Variants in RHBDD1 observed in about 807,000 individuals in gnomAD.
The protein encoded by RHBDD1 is rhomboid domain containing 1, also known as rhomboid-related protein 4.
Under a neutral mutation model 36.3 loss-of-function variants are expected in RHBDD1, and 38 were observed. The observed-to-expected ratio is 1.05, with a 90% CI of 0.81 to 1.37. The LOEUF is 1.37. Among genes scored for constraint, RHBDD1 ranks in the 40% most tolerant of loss-of-function variants. The probability of loss-of-function intolerance (pLI) is 0.00; values close to 1 mark genes in which losing one functional copy is unlikely to be tolerated. For synonymous variants in RHBDD1, 151 were observed against 136.5 expected, an observed-to-expected ratio of 1.11 and a Z score of -0.74; for missense variants, 393 against 377.6, an observed-to-expected ratio of 1.04 and a Z score of -0.34.
intron 8 of RHBDD1, among the ~76,000 whole-genome samples, chr2:226,960,869 T>C (rs1443069666): frequency 6.6e-6 from 1 of 152,166 alleles, no homozygotes; most frequent in Non-Finnish European, 1.5e-5. Flanking sequence ...CCTTGTACAA[T>C]AAGCATACAA....
intron 8 of RHBDD1, among the ~76,000 whole-genome samples, chr2:226,957,672 C>T (rs1398949574): frequency 1.3e-5 from 2 of 152,080 alleles, no homozygotes. Flanking sequence ...TCTATCAAGT[C>T]TATATAAGGA....
intron 3 of RHBDD1, among the ~76,000 whole-genome samples, chr2:226,849,430 G>T (rs1451010655): frequency 6.6e-6 from 1 of 152,222 alleles, no homozygotes; most frequent in Non-Finnish European, 1.5e-5. Flanking sequence ...CAGGTTGGGA[G>T]CTGGCTTTGA....
intron 8 of RHBDD1, among the ~76,000 whole-genome samples, chr2:226,957,238 A>G (rs1179670234): frequency 2.6e-5 from 4 of 152,236 alleles, no homozygotes; most frequent in African/African-American, 9.6e-5. Flanking sequence ...AACATGCAGG[A>G]TCTGGTGTGG....
At chr2:226,842,278 A>C (rs1221664777) in intron 3 of RHBDD1, among the ~76,000 whole-genome samples, 1 of 152,074 alleles carries the variant, frequency 6.6e-6, no homozygotes, top group Admixed American at 6.5e-5. Flanking sequence ...TGCTGTGCAG[A>C]AGCTCTTTAG....
In RHBDD1 at chr2:226,998,509, T is replaced by C. The variant is rs368809695; in HGVS notation, c.*2987T>C. 7.2e-5 allele frequency: 11 copies of C among 152,280 alleles called. No homozygotes were observed. In the East Asian group the frequency reaches 1.5e-3, roughly 21 times the overall value. 9.4% of individuals were successfully genotyped at this position (152,280 alleles called of 1,614,324 possible). A position where few individuals can be genotyped will look rare whatever the true frequency, so the allele number is the denominator to read the frequency against. ...TCAGTAAAGAATAGCATTCAATTAGTCAAAAAATATATATATAACTTCTTC... is the reference window on the plus strand; with the variant it reads ...TCAGTAAAGAATAGCATTCAATTAGCCAAAAAATATATATATAACTTCTTC... On this transcript the variant is annotated 3_prime_UTR_variant, in exon 9 of 9. Transcript: ENST00000392062.
chr2:226,912,071 A>G (rs967068964), intron 7 of RHBDD1, among the ~76,000 whole-genome samples: 2 of 152,190 alleles, frequency 1.3e-5, no homozygotes, highest in Non-Finnish European at 2.9e-5. Context: ...ATCTGGCTAG[A>G]CATTTCTCTA....
chr2:226,823,977 C>T, the RHBDD1 span, among the ~76,000 whole-genome samples: 1 of 152,176 alleles, frequency 6.6e-6, no homozygotes, highest in African/African-American at 2.4e-5. Context: ...TAGGCCCCAC[C>T]TCCCAACGCT....
chr2:226,992,522 A>G (rs551196577), intron 8 of RHBDD1, among the ~76,000 whole-genome samples: 1 of 152,312 alleles, frequency 6.6e-6, no homozygotes, highest in South Asian at 2.1e-4. Flanking sequence ...TTGTATTGTT[A>G]TACCCAAGGT....
intron 5 of RHBDD1, among the ~76,000 whole-genome samples, chr2:226,894,219 C>G (rs1185464244): frequency 6.6e-6 from 1 of 152,162 alleles, no homozygotes; most frequent in Non-Finnish European, 1.5e-5. Flanking sequence ...CTAAGGGCTA[C>G]TTTATATGTC....
chr2:226,959,011 G>A (rs927453467), intron 8 of RHBDD1, among the ~76,000 whole-genome samples: 2 of 152,090 alleles, frequency 1.3e-5, no homozygotes, highest in Admixed American at 6.5e-5. Flanking sequence ...TGCCTTATCT[G>A]ACTGGTAATA....
the RHBDD1 span, among the ~76,000 whole-genome samples, chr2:226,800,627 G>C: frequency 1.2e-4 from 19 of 152,188 alleles, no homozygotes; most frequent in Non-Finnish European, 2.4e-4. Context: ...ATGGGGGAGG[G>C]GAAATGAGAG....
intron 8 of RHBDD1, chr2:226,988,230 C>A: frequency 9.6e-7 from 1 of 1,046,480 alleles, no homozygotes; most frequent in Non-Finnish European, 1.3e-6. Context: ...GATCAAGAAG[C>A]AAGAGGTTGG....
At chr2:226,919,135 G>C (rs1949124111) in intron 8 of RHBDD1, among the ~76,000 whole-genome samples, 1 of 151,952 alleles carries the variant, frequency 6.6e-6, no homozygotes, top group South Asian at 2.1e-4. Context: ...TGTCTATTCA[G>C]ATCTTTTGCA....
intron 8 of RHBDD1, among the ~76,000 whole-genome samples, chr2:226,966,097 G>A (rs530162451): frequency 3.3e-4 from 50 of 152,092 alleles, no homozygotes; most frequent in African/African-American, 1.1e-3. Context: ...AATGTGACTC[G>A]CCACATAAAA....
At chr2:226,964,126 A>G (rs891304705) in intron 8 of RHBDD1, among the ~76,000 whole-genome samples, 7 of 152,174 alleles carry the variant, frequency 4.6e-5, no homozygotes, top group Admixed American at 3.9e-4. Context: ...AGAGAGGAAG[A>G]GAGCAAGTGA....
At chr2:226,873,935 G>T (rs1945005369) in intron 5 of RHBDD1, among the ~76,000 whole-genome samples, 1 of 152,186 alleles carries the variant, frequency 6.6e-6, no homozygotes, top group Admixed American at 6.5e-5. Context: ...TTGACTCACA[G>T]TTCCCCATGG....
rs151008266 is a variant in RHBDD1 at position 226,998,319 on chromosome 2, A to G, written c.*2797A>G. The G allele has an allele frequency of 2.0e-5, 3 of 152,214 alleles. No homozygotes were observed. Among genetic ancestry groups the G allele is most frequent in the East Asian group, 3.9e-4 (2 of 5,170 alleles). The allele number at this position is 152,214 out of a possible 1,614,324, so 9.4% of individuals were successfully genotyped here. A position where few individuals can be genotyped will look rare whatever the true frequency, so the allele number is the denominator to read the frequency against. On this transcript the variant is annotated 3_prime_UTR_variant, in exon 9 of 9. Coordinates refer to ENST00000392062, the MANE Select transcript of RHBDD1 (RefSeq NM_001167608.3). ...GAGTAGAACTAGATCCTGTCTATCT[A>G]TTTGGCACATGTTCTGCTGCCTGGG... is the stretch of plus-strand genomic sequence containing the variant.
At chr2:226,993,047 T>A (rs59135978) in intron 8 of RHBDD1, among the ~76,000 whole-genome samples, 1 of 151,980 alleles carries the variant, frequency 6.6e-6, no homozygotes, top group Non-Finnish European at 1.5e-5. Flanking sequence ...TTTGGTTGGC[T>A]CAGCCCTGGT....
intron 8 of RHBDD1, among the ~76,000 whole-genome samples, chr2:226,968,034 G>C (rs1952781943): frequency 1.3e-5 from 2 of 152,118 alleles, no homozygotes; most frequent in South Asian, 4.1e-4. Flanking sequence ...TCATAGGAGG[G>C]TGAAACACCC....
Sources: allele counts gnomAD v4.1 joint callset (sites outside exome capture counted in the v4.1 genomes callset), GRCh38; gene constraint gnomAD v4.1.1; transcripts MANE v1.5; gene names NCBI Gene and HGNC (gene_info 2026-07-23, HGNC 2026-07-21).